The following LUZP2 variants were observed in gnomAD, a reference collection of about 807,000 sequenced individuals.
LUZP2 encodes the protein leucine zipper protein 2.
A neutral mutation model predicts 51.6 loss-of-function variants in LUZP2; 52 were observed. The observed-to-expected ratio is 1.01, with a 90% confidence interval of 0.81 to 1.27. LUZP2 has a LOEUF of 1.27. LUZP2 is among the 50% of genes most tolerant of loss of function. LUZP2 has a pLI of 0.00. For synonymous variants in LUZP2, 154 were observed against 137.3 expected, an observed-to-expected ratio of 1.12 and a Z score of -0.85; for missense variants, 436 against 395.4, an observed-to-expected ratio of 1.10 and a Z score of -0.87.
At chr11:24,906,361 A>G (rs1163197500) in intron 6 of LUZP2, among the ~76,000 whole-genome samples, 2 of 151,884 alleles carry the variant, frequency 1.3e-5, no homozygotes, top group Admixed American at 6.6e-5. Flanking sequence ...GAGTCCATAA[A>G]ATTTCCTTTT....
intron 7 of LUZP2, among the ~76,000 whole-genome samples, chr11:24,958,725 T>C (rs1048397346): frequency 6.6e-6 from 1 of 152,222 alleles, no homozygotes; most frequent in African/African-American, 2.4e-5. Flanking sequence ...CTGATGTTAG[T>C]TTCTTTTGCT....
At chr11:24,722,811 G>T (rs905445083) in intron 1 of LUZP2, among the ~76,000 whole-genome samples, 1 of 151,814 alleles carries the variant, frequency 6.6e-6, no homozygotes, top group Non-Finnish European at 1.5e-5. Flanking sequence ...CAGCTACTTG[G>T]GAGGCTGAGG....
chr11:24,523,174 A>T (rs1338017291), intron 1 of LUZP2, among the ~76,000 whole-genome samples: 1 of 152,074 alleles, frequency 6.6e-6, no homozygotes, highest in East Asian at 1.9e-4. Flanking sequence ...CCTGCCATTT[A>T]ATTGCTTTTC....
chr11:24,763,581 A>G (rs1860066404), intron 5 of LUZP2, among the ~76,000 whole-genome samples: 1 of 152,066 alleles, frequency 6.6e-6, no homozygotes, highest in Non-Finnish European at 1.5e-5. Flanking sequence ...ATCAATTTTC[A>G]TTTAATACAT....
intron 1 of LUZP2, among the ~76,000 whole-genome samples, chr11:24,504,289 C>A (rs35175729): frequency 0.28 from 42,935 of 152,014 alleles, 6,270 homozygotes; most frequent in East Asian, 0.45. Flanking sequence ...AGATGTGTTC[C>A]TAAATATGTT....
rs77772019 is a variant in LUZP2, at chr11:25,045,942, G to C, written c.766-4096G>C. ...ACTCATAGTATTAGCAAGAAGATGG[G>C]AGAAACAAGCCTGGGCACAGGCAGA... On this transcript the variant is annotated intron_variant, in intron 9 of 11. Transcript: ENST00000336930. Among the ~76,000 whole-genome samples the C allele has an allele frequency of 7.9e-3, 1,197 of 152,214 alleles. 33 individuals carry two copies. In the East Asian group the frequency reaches 0.099, roughly 13 times the overall value.
intron 9 of LUZP2, among the ~76,000 whole-genome samples, chr11:24,997,252 C>G (rs1856532708): frequency 6.6e-6 from 1 of 151,902 alleles, no homozygotes; most frequent in South Asian, 2.1e-4. Flanking sequence ...AAAAGTGTTC[C>G]TATTTCTCCA....
At chr11:24,838,463 A>T (rs1850923898) in intron 5 of LUZP2, among the ~76,000 whole-genome samples, 1 of 151,626 alleles carries the variant, frequency 6.6e-6, no homozygotes, top group Non-Finnish European at 1.5e-5. Context: ...TAAACACAGC[A>T]TTGTTTACAT....
chr11:24,632,663 G>A (rs781052331), intron 1 of LUZP2, among the ~76,000 whole-genome samples: 8 of 151,976 alleles, frequency 5.3e-5, no homozygotes, highest in Non-Finnish European at 7.4e-5. Flanking sequence ...TAAAATAGAC[G>A]TGCTCCAAAA....
chr11:24,976,694 C>G lies in LUZP2; in HGVS notation c.597+29C>G, dbSNP rs182351700. ...AGTCTACATTCATGAACCATTACAA[C>G]TGTAGTTTTAGCAAAAAAAAAAAAA... On this transcript the variant is annotated intron_variant, in intron 8 of 11. Coordinates refer to ENST00000336930, the MANE Select transcript of LUZP2 (RefSeq NM_001009909.4). The G allele has an allele frequency of 2.7e-3, 1,893 of 697,804 alleles. 2 individuals carry two copies. Among genetic ancestry groups the G allele is most frequent in the Non-Finnish European group, 3.5e-3 (1,654 of 478,014 alleles). 43.2% of individuals were successfully genotyped at this position (697,804 alleles called of 1,614,324 possible).
At chr11:24,549,027 A>G (rs189485877) in intron 1 of LUZP2, among the ~76,000 whole-genome samples, 1 of 152,110 alleles carries the variant, frequency 6.6e-6, no homozygotes, top group East Asian at 1.9e-4. Context: ...TTGTTCTTCA[A>G]TAAGAAATTA....
intron 1 of LUZP2, among the ~76,000 whole-genome samples, chr11:24,698,600 T>A (rs150416753): frequency 1.1e-4 from 16 of 152,366 alleles, no homozygotes; most frequent in African/African-American, 3.8e-4. Context: ...TGCTCAACTT[T>A]AAATTTTTAG....
intron 7 of LUZP2, among the ~76,000 whole-genome samples, chr11:24,931,101 C>G (rs1460915978): frequency 6.6e-6 from 1 of 151,884 alleles, no homozygotes; most frequent in Non-Finnish European, 1.5e-5. Context: ...ATCCCACCTA[C>G]TCGGGAGGCT....
chr11:24,727,653 T>C (rs1182578361), intron 1 of LUZP2, among the ~76,000 whole-genome samples: 1 of 152,034 alleles, frequency 6.6e-6, no homozygotes. Flanking sequence ...TGCCTTGCTG[T>C]TTATTATTTA....
chr11:24,579,783 T>G (rs922644841), intron 1 of LUZP2, among the ~76,000 whole-genome samples: 1 of 152,098 alleles, frequency 6.6e-6, no homozygotes, highest in Non-Finnish European at 1.5e-5. Flanking sequence ...CTTAAAAAAT[T>G]ATCAAATCAT....
At chr11:24,828,975 CA>C (rs1224838346) in intron 5 of LUZP2, among the ~76,000 whole-genome samples, 2 of 152,082 alleles carry the variant, frequency 1.3e-5, no homozygotes, top group Non-Finnish European at 2.9e-5. Flanking sequence ...AGAGGGAGGA[CA>C]AGGACGTTGA....
chr11:24,729,156 C>T lies in LUZP2; in HGVS notation c.63-13C>T. The T allele has an allele frequency of 7.0e-7, 1 of 1,434,742 alleles. No homozygotes were observed. The highest frequency in any genetic ancestry group is 9.4e-7 in the Non-Finnish European group (1 of 1,062,730). The allele number at this position is 1,434,742 out of a possible 1,614,324, so 88.9% of individuals were successfully genotyped here. ...CATTTGGGGGGCTCTCATGCCTGTT[C>T]TTTCTGTGTTAGACAGGACTATGAA... On this transcript the variant is annotated splice_polypyrimidine_tract_variant and intron_variant, in intron 1 of 11. Coordinates refer to ENST00000336930, the MANE Select transcript of LUZP2 (RefSeq NM_001009909.4).
chr11:24,691,290 C>T (rs1159549788), intron 1 of LUZP2, among the ~76,000 whole-genome samples: 1 of 151,720 alleles, frequency 6.6e-6, no homozygotes, highest in Non-Finnish European at 1.5e-5. Context: ...ATTAGTGTTC[C>T]CTTAAAAAAA....
chr11:24,855,471 G>T (rs1392884098), intron 5 of LUZP2, among the ~76,000 whole-genome samples: 1 of 152,126 alleles, frequency 6.6e-6, no homozygotes, highest in African/African-American at 2.4e-5. Context: ...TGTAGATTAT[G>T]CAAACTAATG....
Sources: allele counts gnomAD v4.1 joint callset (sites outside exome capture counted in the v4.1 genomes callset), GRCh38; gene constraint gnomAD v4.1.1; transcripts MANE v1.5; gene names NCBI Gene and HGNC (gene_info 2026-07-23, HGNC 2026-07-21).